PCCA: variants seen among roughly 807,000 people sequenced by gnomAD.
PCCA encodes the protein propionyl-CoA carboxylase alpha chain, mitochondrial.
In PCCA, 74 loss-of-function variants were observed where a neutral mutation model predicts 101.3. The observed-to-expected ratio is 0.73, with a 90% CI of 0.61 to 0.89. PCCA has a LOEUF of 0.89. PCCA is among the 40% of genes least tolerant of loss of function. PCCA has a pLI of 0.00. For missense variants in PCCA, 891 were observed against 907.0 expected, an observed-to-expected ratio of 0.98 and a Z score of 0.23; for synonymous variants, 294 against 313.6, an observed-to-expected ratio of 0.94 and a Z score of 0.66.
intron 21 of PCCA, among the ~76,000 whole-genome samples, chr13:100,451,869 C>T (rs2081295092): frequency 1.2e-5 from 1 of 85,252 alleles, no homozygotes. Context: ...CCTCTCCTCT[C>T]TCTCCTCTTC....
chr13:100,522,798 ATCACC>A (rs1366254060), intron 22 of PCCA, among the ~76,000 whole-genome samples: 1 of 152,216 alleles, frequency 6.6e-6, no homozygotes, highest in Admixed American at 6.5e-5. Context: ...CACTCACTGT[ATCACC>A]CCCATTTTGT....
Position 100,464,762 on chromosome 13 carries a change from C to T in PCCA, c.1899+15457C>T, listed in dbSNP as rs572556100. 1.4e-4 allele frequency among the ~76,000 whole-genome samples: 22 copies of T among 152,282 alleles called. No homozygotes were observed. In the East Asian group the frequency reaches 3.7e-3, roughly 25 times the overall value. ...ACATCTGTTTCCTTGAAGAATCTTG[C>T]GAATCACCAACACCAAACTTGACCA... On this transcript the variant is annotated intron_variant, in intron 21 of 23. Transcript: ENST00000376285.
chr13:100,344,812 G>A (rs566190683), intron 18 of PCCA, among the ~76,000 whole-genome samples: 2 of 152,188 alleles, frequency 1.3e-5, no homozygotes, highest in South Asian at 4.2e-4. Flanking sequence ...AAGTCTTTTT[G>A]TGCTGTTTTT....
At position 100,468,234 on chromosome 13, in the gene PCCA, G is replaced by A. The variant is rs117941661; in HGVS notation, c.1899+18929G>A. Reference sequence around the variant, plus strand: ...CCAGGCTTTGTTTTTGCGTCCTAGAGTACAGGTAGGGTAGACTTAGCATCA... The same window carrying A: ...CCAGGCTTTGTTTTTGCGTCCTAGAATACAGGTAGGGTAGACTTAGCATCA... On this transcript the variant is annotated intron_variant, in intron 21 of 23. Coordinates refer to ENST00000376285, the MANE Select transcript of PCCA (RefSeq NM_000282.4). Among the ~76,000 whole-genome samples, 227 of 152,298 alleles carry A rather than the reference G, an allele frequency of 1.5e-3. 5 individuals are homozygous for A. In the East Asian group the frequency reaches 0.039, roughly 26 times the overall value.
intron 9 of PCCA, among the ~76,000 whole-genome samples, chr13:100,258,572 C>T (rs1179145373): frequency 1.3e-5 from 2 of 152,140 alleles, no homozygotes; most frequent in African/African-American, 4.8e-5. Context: ...CATTATTCAT[C>T]TTAGGATCTC....
At chr13:100,391,229 G>T (rs2076785427) in intron 19 of PCCA, among the ~76,000 whole-genome samples, 1 of 152,106 alleles carries the variant, frequency 6.6e-6, no homozygotes, top group Non-Finnish European at 1.5e-5. Flanking sequence ...TGTTGGCCAG[G>T]ATAGTCTTGA....
At chr13:100,150,917 A>G (rs112682728) in intron 4 of PCCA, 18 of 1,547,780 alleles carry the variant, frequency 1.2e-5, no homozygotes, top group African/African-American at 9.5e-5. Flanking sequence ...CCTATATATA[A>G]CGTAACCTTG....
rs537044051 is a variant in PCCA at position 100,488,553 on chromosome 13, G to T, written c.1900-26874G>T. ...CCTTGGAGGCTGAGGCTGGAGGGTC[G>T]CATGAGCTCAGGAGTTTGAGACCAG... On this transcript the variant is annotated intron_variant, in intron 21 of 23. Coordinates refer to ENST00000376285, the MANE Select transcript of PCCA (RefSeq NM_000282.4). 2.4e-4 allele frequency among the ~76,000 whole-genome samples: 36 copies of T among 151,856 alleles called. No individual in the cohort carries two copies. The South Asian group carries it at 7.3e-3, about 31-fold the overall frequency.
chr13:100,353,892 G>C (rs1357481966), intron 18 of PCCA, among the ~76,000 whole-genome samples: 1 of 151,936 alleles, frequency 6.6e-6, no homozygotes, highest in Non-Finnish European at 1.5e-5. Flanking sequence ...GGCGGAAGTT[G>C]CAGTGAGCCA....
At chr13:100,494,108 G>A (rs1339325904) in intron 21 of PCCA, among the ~76,000 whole-genome samples, 1 of 151,466 alleles carries the variant, frequency 6.6e-6, no homozygotes, top group Non-Finnish European at 1.5e-5. Flanking sequence ...AGAAGGGCTT[G>A]AAACCAGGAG....
intron 21 of PCCA, among the ~76,000 whole-genome samples, chr13:100,468,779 C>T (rs1235172294): frequency 2.0e-5 from 3 of 152,124 alleles, no homozygotes; most frequent in Non-Finnish European, 4.4e-5. Flanking sequence ...AATCCCAGCA[C>T]TTTGGGAGGC....
At chr13:100,221,746 ATTTTTT>A (rs3034654) in intron 7 of PCCA, among the ~76,000 whole-genome samples, 5 of 121,600 alleles carry the variant, frequency 4.1e-5, no homozygotes, top group African/African-American at 1.3e-4. Context: ...TCCCTGGGAA[ATTTTTT>A]TTTTTTTTTT....
At chr13:100,494,071 C>T (rs965374279) in intron 21 of PCCA, among the ~76,000 whole-genome samples, 1 of 152,070 alleles carries the variant, frequency 6.6e-6, no homozygotes. Flanking sequence ...CGCCTGTAAT[C>T]CCAGCTACTC....
chr13:100,128,377 T>C (rs1733732053), intron 4 of PCCA, among the ~76,000 whole-genome samples: 1 of 152,306 alleles, frequency 6.6e-6, no homozygotes, highest in African/African-American at 2.4e-5. Flanking sequence ...GTACTGGAAC[T>C]AGAAGAGTGA....
At chr13:100,447,232 A>C (rs2080897880) in intron 20 of PCCA, among the ~76,000 whole-genome samples, 1 of 151,976 alleles carries the variant, frequency 6.6e-6, no homozygotes, top group Non-Finnish European at 1.5e-5. Context: ...AAAATACAAA[A>C]AATTAGCCGG....
chr13:100,321,591 CTGTGTGTGTGTGTGTGTGTGTGTGTG>C (rs35931512), intron 16 of PCCA, among the ~76,000 whole-genome samples: 23 of 132,012 alleles, frequency 1.7e-4, no homozygotes, highest in African/African-American at 5.7e-4. Flanking sequence ...TATAGAAGAT[CTGTGTGTGTGTGTGTGTGTGTGTGTG>C]TGTGTGTGTG....
At chr13:100,198,450 A>C (rs1279177037) in intron 6 of PCCA, 1 of 151,782 alleles carries the variant, frequency 6.6e-6, no homozygotes, top group Non-Finnish European at 1.5e-5. Flanking sequence ...AAATGTTTTC[A>C]TACTTTGCAG....
At chr13:100,155,196 C>G (rs9585366) in intron 5 of PCCA, 104 bp downstream of exon 5, 9 of 809,736 alleles carry the variant, frequency 1.1e-5, no homozygotes, top group Non-Finnish European at 1.7e-5. Flanking sequence ...ATTGAAAATG[C>G]TGTTGCAGTT....
intron 16 of PCCA, among the ~76,000 whole-genome samples, chr13:100,319,941 T>C (rs1287296511): frequency 6.6e-6 from 1 of 152,240 alleles, no homozygotes; most frequent in Non-Finnish European, 1.5e-5. Flanking sequence ...TTTCACGATA[T>C]TAGTTCTTCC....
Sources: allele counts gnomAD v4.1 joint callset (sites outside exome capture counted in the v4.1 genomes callset), GRCh38; gene constraint gnomAD v4.1.1; transcripts MANE v1.5; gene names NCBI Gene and HGNC (gene_info 2026-07-23, HGNC 2026-07-21).